Variants in EVC2 observed in about 807,000 individuals in gnomAD.
EVC2 encodes the protein EvC ciliary complex subunit 2, also known as limbin.
A neutral mutation model predicts 149.3 loss-of-function variants in EVC2; 148 were observed. That is an observed-to-expected ratio of 0.99 (90% CI 0.87 to 1.14). EVC2 has a LOEUF of 1.14. Ranked by LOEUF, EVC2 falls within the 50% of genes most tolerant of loss-of-function variation. The pLI is 0.00. For missense variants in EVC2, 1,854 were observed against 1,627.3 expected, an observed-to-expected ratio of 1.14 and a Z score of -2.40; for synonymous variants, 776 against 649.9, an observed-to-expected ratio of 1.19 and a Z score of -2.95.
chr4:5,706,401 G>GATAGATAC (rs1722176545), intron 1 of EVC2, among the ~76,000 whole-genome samples: 2 of 45,550 alleles, frequency 4.4e-5, no homozygotes, highest in Non-Finnish European at 8.5e-5. Flanking sequence ...TACATAGATA[G>GATAGATAC]ATAGATAGAT....
chr4:5,691,326 T>C lies in EVC2; in HGVS notation c.458A>G (p.Asp153Gly). 6.2e-7 allele frequency: 1 copy of C among 1,611,956 alleles called. No individual in the cohort carries two copies. The highest frequency in any genetic ancestry group is 8.5e-7 in the Non-Finnish European group (1 of 1,178,188). Reference protein sequence around the residue: ...ESPITHRLYGDISREVQGTSE... With the variant: ...ESPITHRLYGGISREVQGTSE... ...AGTCCCTTGAACTTCTCTTGAAATG[T>C]CCCCATACTACAATAAAATGTAAAA... Residue 153 changes from aspartate to glycine, a missense_variant, in exon 4 of 22, where the codon GAC becomes GGC. Asp to Gly is a moderately conservative substitution (Grantham distance 94). Coordinates refer to ENST00000344408, the MANE Select transcript of EVC2 (RefSeq NM_147127.5).
intron 12 of EVC2, among the ~76,000 whole-genome samples, chr4:5,627,646 G>A (rs1162338652): frequency 6.6e-6 from 1 of 152,128 alleles, no homozygotes; most frequent in African/African-American, 2.4e-5. Context: ...TTACAATTAA[G>A]TCACCTCAAA....
At chr4:5,632,898 T>C (rs1450100088) in intron 10 of EVC2, among the ~76,000 whole-genome samples, 2 of 152,176 alleles carry the variant, frequency 1.3e-5, no homozygotes, top group Non-Finnish European at 2.9e-5. Context: ...GGCCCCAGTA[T>C]ATATGCCACA....
At chr4:5,533,865 A>G in the EVC2 span, among the ~76,000 whole-genome samples, 1 of 152,180 alleles carries the variant, frequency 6.6e-6, no homozygotes, top group African/African-American at 2.4e-5. Flanking sequence ...CAGAGAGCAG[A>G]GTGTTCAGAA....
intron 16 of EVC2, among the ~76,000 whole-genome samples, chr4:5,601,309 C>T (rs1713958581): frequency 6.6e-6 from 1 of 151,948 alleles, no homozygotes; most frequent in Non-Finnish European, 1.5e-5. Flanking sequence ...CTTTAATATT[C>T]TTAGAAAGAT....
chr4:5,611,148 T>C (rs1714788446), intron 16 of EVC2, among the ~76,000 whole-genome samples: 1 of 152,176 alleles, frequency 6.6e-6, no homozygotes, highest in African/African-American at 2.4e-5. Flanking sequence ...ATAACTAGTA[T>C]GTTACATGGG....
rs1025241718 is a variant in EVC2 at position 5,657,107 on chromosome 4, G to A, written c.1145+6000C>T. Among the ~76,000 whole-genome samples the A allele has an allele frequency of 2.0e-5, 3 of 152,148 alleles. No homozygotes were observed. The highest frequency in any genetic ancestry group is 7.2e-5 in the African/African-American group (3 of 41,446). Reference sequence around the variant, plus strand: ...CATCCAGACCACTGAGACCACTGCAGGGGAAGGCACCTCGTCCAGGCAGGG... The same window carrying A: ...CATCCAGACCACTGAGACCACTGCAAGGGAAGGCACCTCGTCCAGGCAGGG... On this transcript the variant is annotated intron_variant, in intron 9 of 21. Transcript: ENST00000344408. This position sits in a 1 kb window ranked among gnomAD's most constrained non-coding sequence, Gnocchi z 4.7.
chr4:5,612,910 A>G (rs1188785985), intron 16 of EVC2, among the ~76,000 whole-genome samples: 1 of 125,068 alleles, frequency 8.0e-6, no homozygotes, highest in South Asian at 3.1e-4. Flanking sequence ...TGACAGAGCG[A>G]GACTCTGTCT....
At chr4:5,706,536 T>C (rs1019762828) in intron 1 of EVC2, among the ~76,000 whole-genome samples, 2 of 151,612 alleles carry the variant, frequency 1.3e-5, no homozygotes, top group African/African-American at 4.9e-5. Flanking sequence ...AGGCATCATA[T>C]AATTACAATA....
At chr4:5,655,630 G>A (rs1197956959) in intron 9 of EVC2, among the ~76,000 whole-genome samples, 2 of 151,986 alleles carry the variant, frequency 1.3e-5, no homozygotes, top group African/African-American at 2.4e-5. Context: ...TTTGATATGG[G>A]AAATAGACAC....
intron 9 of EVC2, among the ~76,000 whole-genome samples, chr4:5,648,140 A>G (rs755155077): frequency 3.3e-5 from 5 of 152,212 alleles, no homozygotes; most frequent in Non-Finnish European, 5.9e-5. Flanking sequence ...ATCACCTTAA[A>G]TATTTGTCTT....
intron 18 of EVC2, among the ~76,000 whole-genome samples, chr4:5,575,742 T>C (rs1722885383): frequency 6.6e-6 from 1 of 152,194 alleles, no homozygotes; most frequent in African/African-American, 2.4e-5. Context: ...CTAATGTGAA[T>C]TGAAAAACAA....
intron 7 of EVC2, among the ~76,000 whole-genome samples, chr4:5,680,640 C>T (rs924833160): frequency 3.3e-5 from 5 of 152,178 alleles, no homozygotes; most frequent in South Asian, 2.1e-4. Flanking sequence ...TAATGTGCCT[C>T]GGTTTCCCCA....
rs557452078 is a variant in EVC2, at chr4:5,582,031, T to G, written c.3057+2592A>C. Among the ~76,000 whole-genome samples the G allele has an allele frequency of 3.9e-5, 6 of 152,334 alleles. No homozygotes were observed. The East Asian group carries it at 1.2e-3, about 29-fold the overall frequency. On this transcript the variant is annotated intron_variant, in intron 17 of 21. Coordinates refer to ENST00000344408, the MANE Select transcript of EVC2 (RefSeq NM_147127.5). ...CAGAGGATATATGGAAAAGTCACAATGTCCAGGCAGAAGCCTTCTGCTGGG... is the reference window on the plus strand; with the variant it reads ...CAGAGGATATATGGAAAAGTCACAAGGTCCAGGCAGAAGCCTTCTGCTGGG...
intron 11 of EVC2, 120 bp downstream of exon 11, chr4:5,631,673 A>G: frequency 7.3e-7 from 1 of 1,365,720 alleles, no homozygotes; most frequent in Non-Finnish European, 1.0e-6. Flanking sequence ...AAGAGATAGA[A>G]GAGAAAGCTC....
chr4:5,558,956 A>G (rs4557210), downstream of EVC2, among the ~76,000 whole-genome samples: 84,163 of 151,322 alleles, frequency 0.56, 24,645 homozygotes, highest in Non-Finnish European at 0.66. Flanking sequence ...ACTTTGCAAG[A>G]CCAAGGCGGG....
chr4:5,647,982 G>A lies in EVC2; in HGVS notation c.1146-7144C>T, dbSNP rs182348126. Among the ~76,000 whole-genome samples, 21 of 152,236 alleles carry A rather than the reference G, an allele frequency of 1.4e-4. No homozygotes were observed. The East Asian group carries it at 3.1e-3, about 22-fold the overall frequency. Reference sequence around the variant, plus strand: ...ATGTAGGCAGCAGCCTCAAGAAGCCGGAAAAGGCCAGGAAGGGAACGTCCC... The same window carrying A: ...ATGTAGGCAGCAGCCTCAAGAAGCCAGAAAAGGCCAGGAAGGGAACGTCCC... On this transcript the variant is annotated intron_variant, in intron 9 of 21. Coordinates refer to ENST00000344408, the MANE Select transcript of EVC2 (RefSeq NM_147127.5).
chr4:5,564,423 T>C (rs1483767005), intron 21 of EVC2, among the ~76,000 whole-genome samples: 1 of 152,226 alleles, frequency 6.6e-6, no homozygotes, highest in Non-Finnish European at 1.5e-5. Context: ...CTGATCTAAC[T>C]TATCTGAGAC....
chr4:5,539,362 A>C (rs1367066105), downstream of EVC2, among the ~76,000 whole-genome samples: 1 of 152,200 alleles, frequency 6.6e-6, no homozygotes, highest in African/African-American at 2.4e-5. Context: ...ATTCTCCCTA[A>C]ACTGATCTAT....
Sources: allele counts gnomAD v4.1 joint callset (sites outside exome capture counted in the v4.1 genomes callset), GRCh38; gene constraint gnomAD v4.1.1; non-coding constraint Gnocchi (gnomAD v3.1); transcripts MANE v1.5; gene names NCBI Gene and HGNC (gene_info 2026-07-23, HGNC 2026-07-21).